MIS18A: variants seen among roughly 807,000 people sequenced by gnomAD.
The protein encoded by MIS18A is protein Mis18-alpha.
In MIS18A, 14 loss-of-function variants were observed where a neutral mutation model predicts 25.0. That is an observed-to-expected ratio of 0.56 (90% confidence interval 0.37 to 0.88). The LOEUF (loss-of-function observed/expected upper bound fraction) is 0.88, where lower values mean the gene tolerates loss of function less well. Among genes scored for constraint, MIS18A ranks in the 40% least tolerant of loss-of-function variants. The pLI is 0.00. For missense variants in MIS18A, 292 were observed against 290.8 expected, an observed-to-expected ratio of 1.00 and a Z score of -0.03; for synonymous variants, 134 against 118.6, an observed-to-expected ratio of 1.13 and a Z score of -0.84.
Position 32,268,937 on chromosome 21 carries a change from T to C in MIS18A, c.*100A>G. 1.0e-6 allele frequency: 1 copy of C among 957,136 alleles called. No homozygotes were observed. The highest frequency in any genetic ancestry group is 1.9e-5 in the South Asian group (1 of 52,050). The allele number at this position is 957,136 out of a possible 1,614,324, so 59.3% of individuals were successfully genotyped here. On this transcript the variant is annotated 3_prime_UTR_variant, in exon 5 of 5. Transcript: ENST00000290130. Reference sequence around the variant, plus strand: ...TTTCGCATGCCTGGCTAATTTTTTTTTTCTTTTTTTTTTTGTAGAGACGAC... The same window carrying C: ...TTTCGCATGCCTGGCTAATTTTTTTCTTCTTTTTTTTTTTGTAGAGACGAC...
the MIS18A span, among the ~76,000 whole-genome samples, chr21:32,255,878 G>A: frequency 3.3e-5 from 5 of 150,394 alleles, no homozygotes; most frequent in South Asian, 4.2e-4. Flanking sequence ...GTGACAGAGC[G>A]AGACTCTGTC....
the MIS18A span, among the ~76,000 whole-genome samples, chr21:32,161,214 T>C: frequency 1.3e-5 from 2 of 152,232 alleles, no homozygotes; most frequent in Middle Eastern, 3.2e-3. Flanking sequence ...TCCTCTCTTC[T>C]TCAAGAATCC....
chr21:32,261,410 T>G, the MIS18A span: 2 of 152,200 alleles, frequency 1.3e-5, no homozygotes, highest in African/African-American at 2.4e-5. Flanking sequence ...AGAGAGCAGT[T>G]CAGCGAGGTG....
At chr21:32,255,499 C>T in the MIS18A span, among the ~76,000 whole-genome samples, 6 of 151,042 alleles carry the variant, frequency 4.0e-5, no homozygotes, top group Non-Finnish European at 8.8e-5. Flanking sequence ...TCCCAAAGTC[C>T]TGGGATTACG....
downstream of MIS18A, among the ~76,000 whole-genome samples, chr21:32,266,878 G>A (rs1347318461): frequency 6.6e-6 from 1 of 152,012 alleles, no homozygotes; most frequent in Non-Finnish European, 1.5e-5. Context: ...TACCAGAAAC[G>A]ACCACACACT....
chr21:32,278,707 T>C lies in MIS18A; in HGVS notation c.308A>G (p.Glu103Gly), dbSNP rs2031867511. 3.8e-6 allele frequency: 6 copies of C among 1,575,066 alleles called. No individual in the cohort carries two copies. Among genetic ancestry groups the C allele is most frequent in the Non-Finnish European group, 5.1e-6 (6 of 1,167,320 alleles). The change falls in exon 1 of 5, where the codon GAG becomes GGG. Residue 103 changes from glutamate (E) to glycine (G), a missense_variant. Glu to Gly is a moderately conservative substitution (Grantham distance 98, BLOSUM62 -2). Transcript: ENST00000290130. ...GCGAAGCAGGATGCAGTTGGTGTCC[T>C]CCTGGCTGGCCACCCAGCTCAGCGA... Reference protein sequence around the residue: ...GDSLSWVASQEDTNCILLRCV... With the variant: ...GDSLSWVASQGDTNCILLRCV...
At chr21:32,189,339 CAT>C in the MIS18A span, among the ~76,000 whole-genome samples, 3 of 152,208 alleles carry the variant, frequency 2.0e-5, no homozygotes, top group African/African-American at 7.2e-5. Context: ...AGTGCAGTGG[CAT>C]GAGCATGGCT....
chr21:32,192,250 A>G, the MIS18A span, among the ~76,000 whole-genome samples: 1 of 152,186 alleles, frequency 6.6e-6, no homozygotes, highest in South Asian at 2.1e-4. Context: ...CTGTGGATGT[A>G]TTTTGCAAAT....
the MIS18A span, among the ~76,000 whole-genome samples, chr21:32,158,070 A>G: frequency 6.6e-6 from 1 of 152,218 alleles, no homozygotes; most frequent in Non-Finnish European, 1.5e-5. Context: ...ACTTGATTAG[A>G]GCTTTTTCAT....
At chr21:32,268,164 C>T (rs960140361), downstream of MIS18A, 1 of 152,178 alleles carries the variant, frequency 6.6e-6, no homozygotes, top group Non-Finnish European at 1.5e-5. Context: ...GTGGATTTCA[C>T]AGCACCAGGA....
At chr21:32,250,147 C>A in the MIS18A span, among the ~76,000 whole-genome samples, 6 of 152,174 alleles carry the variant, frequency 3.9e-5, no homozygotes, top group African/African-American at 1.4e-4. Context: ...CCCCCAACAT[C>A]TGAACCTAGT....
At chr21:32,194,041 T>A in the MIS18A span, among the ~76,000 whole-genome samples, 2 of 152,162 alleles carry the variant, frequency 1.3e-5, no homozygotes, top group Admixed American at 1.3e-4. Flanking sequence ...AACCCCCAGC[T>A]GAGAGCCCCA....
chr21:32,185,412 AGGGAGGCCTGTGGTGCTCCCATG>A, the MIS18A span, among the ~76,000 whole-genome samples: 3 of 152,182 alleles, frequency 2.0e-5, no homozygotes, highest in African/African-American at 7.2e-5. Context: ...GTGCTCCCAC[AGGGAGGCCTGTGGTGCTCCCATG>A]GGGAGGTCTG....
the MIS18A span, among the ~76,000 whole-genome samples, chr21:32,173,702 C>A: frequency 1.5e-3 from 221 of 151,908 alleles, no homozygotes; most frequent in African/African-American, 5.2e-3. Flanking sequence ...TAGGAAATAC[C>A]CAGAACAGGC....
chr21:32,209,167 T>C, the MIS18A span, among the ~76,000 whole-genome samples: 2 of 147,684 alleles, frequency 1.4e-5, no homozygotes, highest in Admixed American at 6.7e-5. Flanking sequence ...AAAAAAAAAA[T>C]CAGAATCATG....
chr21:32,259,654 T>G, the MIS18A span: 19 of 152,342 alleles, frequency 1.2e-4, no homozygotes, highest in African/African-American at 3.6e-4. Context: ...TCTTGGGATG[T>G]GCCTGTCTGA....
the MIS18A span, among the ~76,000 whole-genome samples, chr21:32,209,827 G>A: frequency 0.16 from 24,619 of 152,144 alleles, 2,899 homozygotes; most frequent in African/African-American, 0.33. Context: ...GCAGAAGGAC[G>A]TGTCTGCTTC....
the MIS18A span, chr21:32,260,012 T>A: frequency 6.6e-6 from 1 of 152,148 alleles, no homozygotes; most frequent in East Asian, 1.9e-4. Context: ...GTTACTTTCT[T>A]TTTACTCTTA....
chr21:32,255,661 G>GGGTGGATCACGAGGTC, the MIS18A span, among the ~76,000 whole-genome samples: 1 of 151,730 alleles, frequency 6.6e-6, no homozygotes, highest in Admixed American at 6.5e-5. Flanking sequence ...AGGCCGAGGA[G>GGGTGGATCACGAGGTC]GGTGGATCAC....
Sources: gnomAD v4.1 joint callset for allele counts (sites outside exome capture counted in the v4.1 genomes callset) on GRCh38, gnomAD v4.1.1 for gene constraint, MANE v1.5 for transcripts, NCBI Gene and HGNC (gene_info 2026-07-23, HGNC 2026-07-21) for gene names.